Variants in STRAP observed in about 807,000 individuals in gnomAD.
STRAP encodes the protein serine-threonine kinase receptor-associated protein.
A neutral mutation model predicts 47.0 loss-of-function variants in STRAP; 16 were observed. The observed-to-expected ratio is 0.34, with a 90% confidence interval of 0.23 to 0.52. STRAP has a LOEUF of 0.52. Ranked by LOEUF, STRAP falls within the 20% of genes least tolerant of loss-of-function variation. The probability of loss-of-function intolerance (pLI) is 0.96; values close to 1 mark genes in which losing one functional copy is unlikely to be tolerated. For synonymous variants in STRAP, 130 were observed against 142.7 expected, an observed-to-expected ratio of 0.91 and a Z score of 0.63; for missense variants, 293 against 420.0, an observed-to-expected ratio of 0.70 and a Z score of 2.64.
Position 15,894,298 on chromosome 12 carries a change from A to C in STRAP, c.500+155A>C, listed in dbSNP as rs1300799497. Among the ~76,000 whole-genome samples, 1 of 152,140 alleles carries C rather than the reference A, an allele frequency of 6.6e-6. No homozygotes were observed. The highest frequency in any genetic ancestry group is 1.5e-5 in the Non-Finnish European group (1 of 68,030). ...ACATGGCGAAATACTGTCTCTATGA[A>C]AATTACAAAACTTAGCCAAGCGCGG... is the stretch of plus-strand genomic sequence containing the variant. On this transcript the variant is annotated intron_variant, in intron 5 of 9. Transcript: ENST00000419869. This position sits in a 1 kb window ranked among gnomAD's most constrained non-coding sequence, Gnocchi z 4.9.
At position 15,903,304 on chromosome 12, in the gene STRAP, T is replaced by A. The variant is rs1948119930; in HGVS notation, c.*326T>A. 1.1e-5 allele frequency: 2 copies of A among 189,716 alleles called. No homozygotes were observed. Among genetic ancestry groups the A allele is most frequent in the Non-Finnish European group, 2.1e-5 (2 of 95,828 alleles). The allele number at this position is 189,716 out of a possible 1,614,324, so 11.8% of individuals were successfully genotyped here. A position where few individuals can be genotyped will look rare whatever the true frequency, so the allele number is the denominator to read the frequency against. Reference sequence around the variant, plus strand: ...TTTATGTTAATATGGAGAAGAAAACTATATTGGCTGATTTTTTCTGATCTT... The same window carrying A: ...TTTATGTTAATATGGAGAAGAAAACAATATTGGCTGATTTTTTCTGATCTT... On this transcript the variant is annotated 3_prime_UTR_variant, in exon 10 of 10. Transcript: ENST00000419869.
chr12:15,890,798 A>G lies in STRAP; in HGVS notation c.403+129A>G, dbSNP rs1948008798. On this transcript the variant is annotated intron_variant, in intron 4 of 9. Transcript: ENST00000419869. The surrounding 1 kb of genome is among the most constrained non-coding windows in gnomAD (Gnocchi z 4.5). ...GTCATGGCCGGGCACGGTGGCTCAT[A>G]CCTGTAATCCTAGCACTTTGGGAGA... 1 of 722,538 alleles carries G rather than the reference A, an allele frequency of 1.4e-6. No individual in the cohort carries two copies. Among genetic ancestry groups the G allele is most frequent in the Non-Finnish European group, 2.2e-6 (1 of 447,004 alleles). 44.8% of individuals were successfully genotyped at this position (722,538 alleles called of 1,614,324 possible).
Position 15,903,116 on chromosome 12 carries a change from G to A in STRAP, c.*138G>A. On this transcript the variant is annotated 3_prime_UTR_variant, in exon 10 of 10. Coordinates refer to ENST00000419869, the MANE Select transcript of STRAP (RefSeq NM_007178.4). ...AGGAAAATGAATTAGCTCCAGTGCT[G>A]GAACAACTAACTAACTTGGTGTTAC... 2 of 918,398 alleles carry A rather than the reference G, an allele frequency of 2.2e-6. No homozygotes were observed. The highest frequency in any genetic ancestry group is 2.7e-5 in the South Asian group (1 of 37,066). 56.9% of individuals were successfully genotyped at this position (918,398 alleles called of 1,614,324 possible). A position where few individuals can be genotyped will look rare whatever the true frequency, so the allele number is the denominator to read the frequency against.
intron 8 of STRAP, 105 bp downstream of exon 8, chr12:15,900,158 A>G (rs1266673574): frequency 8.4e-7 from 1 of 1,186,196 alleles, no homozygotes; most frequent in Admixed American, 2.8e-5. Flanking sequence ...TAAATTTTAA[A>G]TTATATATTA....
At position 15,890,782 on chromosome 12, in the gene STRAP, G is replaced by A. The variant is rs1318038098; in HGVS notation, c.403+113G>A. On this transcript the variant is annotated intron_variant, in intron 4 of 9. Transcript: ENST00000419869. The surrounding 1 kb of genome is among the most constrained non-coding windows in gnomAD (Gnocchi z 4.5). ...TTGGAAAATAAAGATAGTCATGGCC[G>A]GGCACGGTGGCTCATACCTGTAATC... is the stretch of plus-strand genomic sequence containing the variant. The A allele has an allele frequency of 1.5e-5, 13 of 867,464 alleles. No individual in the cohort carries two copies. Among genetic ancestry groups the A allele is most frequent in the East Asian group, 5.7e-5 (2 of 35,380 alleles). The allele number at this position is 867,464 out of a possible 1,614,324, so 53.7% of individuals were successfully genotyped here.
intron 1 of STRAP, 140 bp from the exon 2 acceptor site, chr12:15,883,401 C>A: frequency 2.2e-6 from 2 of 921,442 alleles, no homozygotes. Flanking sequence ...TTCCTTAGTG[C>A]CTTCAGTGGG....
intron 7 of STRAP, among the ~76,000 whole-genome samples, chr12:15,899,469 G>T (rs1213653557): frequency 1.3e-5 from 2 of 152,174 alleles, no homozygotes; most frequent in African/African-American, 4.8e-5. Flanking sequence ...AAGAGGCAAA[G>T]TGTGTAAAAG....
chr12:15,891,670 C>T (rs1948015909), intron 4 of STRAP, among the ~76,000 whole-genome samples: 1 of 152,186 alleles, frequency 6.6e-6, no homozygotes, highest in African/African-American at 2.4e-5. Context: ...TGGCCGGGCG[C>T]AGTGGCTCAC....
chr12:15,902,374 G>A (rs1565578344), intron 9 of STRAP, among the ~76,000 whole-genome samples: 1 of 151,042 alleles, frequency 6.6e-6, no homozygotes, highest in Non-Finnish European at 1.5e-5. Context: ...ATTGATGAGT[G>A]GGGGTATCAT....
chr12:15,899,180 T>C (rs1159138658), intron 7 of STRAP, among the ~76,000 whole-genome samples: 1 of 152,236 alleles, frequency 6.6e-6, no homozygotes, highest in East Asian at 1.9e-4. Flanking sequence ...AACCTTGTGT[T>C]CTTTGTACTC....
intron 2 of STRAP, 83 bp downstream of exon 2, chr12:15,883,759 C>A: frequency 1.3e-6 from 2 of 1,529,466 alleles, no homozygotes; most frequent in South Asian, 1.2e-5. Context: ...GTCAGATATT[C>A]ATAAAATTCT....
intron 4 of STRAP, among the ~76,000 whole-genome samples, chr12:15,892,366 T>C (rs941768353): frequency 6.6e-6 from 1 of 152,144 alleles, no homozygotes; most frequent in East Asian, 1.9e-4. Flanking sequence ...ACAGAAGTTA[T>C]AGGTGTCTTC....
intron 7 of STRAP, among the ~76,000 whole-genome samples, chr12:15,898,681 T>TA (rs1376173102): frequency 1.3e-5 from 2 of 152,218 alleles, no homozygotes; most frequent in East Asian, 3.8e-4. Flanking sequence ...TTCACATAGT[T>TA]ACATGTGGTT....
intron 9 of STRAP, among the ~76,000 whole-genome samples, chr12:15,901,544 T>C (rs1591990684): frequency 6.6e-6 from 1 of 152,142 alleles, no homozygotes; most frequent in African/African-American, 2.4e-5. Flanking sequence ...CTGGAGAAGC[T>C]AGATCATCTG....
intron 1 of STRAP, 141 bp downstream of exon 1, chr12:15,882,960 G>T: frequency 7.4e-7 from 1 of 1,350,690 alleles, no homozygotes; most frequent in Non-Finnish European, 1.0e-6. Context: ...GCCAACACTG[G>T]TCCGGTGGAG....
At position 15,894,191 on chromosome 12, in the gene STRAP, G is replaced by A. The variant is rs1188925798; in HGVS notation, c.500+48G>A. The A allele has an allele frequency of 1.4e-6, 2 of 1,472,814 alleles. No individual in the cohort carries two copies. The highest frequency in any genetic ancestry group is 1.4e-5 in the African/African-American group (1 of 71,832). 91.2% of individuals were successfully genotyped at this position (1,472,814 alleles called of 1,614,324 possible). On this transcript the variant is annotated intron_variant, in intron 5 of 9. Coordinates refer to ENST00000419869, the MANE Select transcript of STRAP (RefSeq NM_007178.4). The surrounding 1 kb of genome is among the most constrained non-coding windows in gnomAD (Gnocchi z 4.9). ...TTTACAATTTAAGGCCGGGCATGGT[G>A]GCTCACGCCTATAATCTCAGCACTT...
chr12:15,900,888 C>A, intron 8 of STRAP, 59 bp from the exon 9 acceptor site: 1 of 1,365,008 alleles, frequency 7.3e-7, no homozygotes, highest in Non-Finnish European at 9.7e-7. Context: ...GCTTATTGAA[C>A]ACTGGAAATT....
chr12:15,889,608 G>A (rs1253605585), intron 2 of STRAP, among the ~76,000 whole-genome samples: 2 of 152,124 alleles, frequency 1.3e-5, no homozygotes, highest in Non-Finnish European at 2.9e-5. Context: ...TATTATGGCT[G>A]TCAGCTAAAA....
rs71042274 is a variant in STRAP at position 15,902,885 on chromosome 12, C to CTTT, written c.992-11_992-9dup. 2,360 of 1,100,104 alleles carry CTTT rather than the reference C, an allele frequency of 2.1e-3. 5 individuals are homozygous for CTTT. Among genetic ancestry groups the CTTT allele is most frequent in the South Asian group, 6.1e-3 (314 of 51,578 alleles). The allele number at this position is 1,100,104 out of a possible 1,614,324, so 68.1% of individuals were successfully genotyped here. ...TCTTTCATTAAGTTGACTAATGTGA[C>CTTT]TTTTTTTTTTTTTTTTTTTTTTTAC... is the stretch of plus-strand genomic sequence containing the variant. On this transcript the variant is annotated intron_variant, in intron 9 of 9. Transcript: ENST00000419869.
Sources: allele counts gnomAD v4.1 joint callset (sites outside exome capture counted in the v4.1 genomes callset), GRCh38; gene constraint gnomAD v4.1.1; non-coding constraint Gnocchi (gnomAD v3.1); transcripts MANE v1.5; gene names NCBI Gene and HGNC (gene_info 2026-07-23, HGNC 2026-07-21).